GRIP1: variants seen among roughly 807,000 people sequenced by gnomAD.
The protein encoded by GRIP1 is glutamate receptor interacting protein 1.
GRIP1 carries 45 observed loss-of-function variants against 129.9 expected under a neutral mutation model. The observed-to-expected ratio is 0.35, with a 90% CI of 0.27 to 0.44. The LOEUF is 0.44. GRIP1 is among the 20% of genes least tolerant of loss of function. The pLI, the probability that GRIP1 is intolerant of heterozygous loss-of-function variation, is 1.00. For synonymous variants in GRIP1, 530 were observed against 520.8 expected (o/e 1.02, Z -0.24); for missense variants, 1,196 against 1,396.8 (o/e 0.86, Z 2.29).
intron 1 of GRIP1, among the ~76,000 whole-genome samples, chr12:66,785,363 T>TATATATATA (rs5798837): frequency 2.4e-4 from 34 of 141,592 alleles, no homozygotes; most frequent in African/African-American, 3.1e-4. Context: ...TATATATATA[T>TATATATATA]TAGTTGGGCA....
At chr12:66,806,278 T>C (rs1390556394), upstream of GRIP1, among the ~76,000 whole-genome samples, 3 of 152,202 alleles carry the variant, frequency 2.0e-5, no homozygotes, top group Admixed American at 2.0e-4. Context: ...GTATTTTTCA[T>C]ACCAGTTCAG....
intron 2 of GRIP1, among the ~76,000 whole-genome samples, chr12:66,581,527 AAGAG>A (rs1189067764): frequency 1.5e-5 from 2 of 136,194 alleles, no homozygotes; most frequent in Non-Finnish European, 3.3e-5. Context: ...TAAAGAAAAA[AAGAG>A]AGAAGAATCA....
intron 14 of GRIP1, among the ~76,000 whole-genome samples, chr12:66,425,493 A>G (rs2057951521): frequency 6.6e-6 from 1 of 152,214 alleles, no homozygotes; most frequent in Non-Finnish European, 1.5e-5. Context: ...AAAGGATTAT[A>G]AATCATGCTG....
chr12:66,757,395 A>G (rs1056633440), intron 1 of GRIP1, among the ~76,000 whole-genome samples: 1 of 152,118 alleles, frequency 6.6e-6, no homozygotes, highest in Non-Finnish European at 1.5e-5. Flanking sequence ...TATCCATGTT[A>G]TTGCAAATAA....
At chr12:66,472,703 C>T (rs1592384115) in intron 7 of GRIP1, among the ~76,000 whole-genome samples, 1 of 152,268 alleles carries the variant, frequency 6.6e-6, no homozygotes, top group South Asian at 2.1e-4. Flanking sequence ...GGCGTTGCCT[C>T]ACCCAGGAAG....
intron 2 of GRIP1, among the ~76,000 whole-genome samples, chr12:66,565,389 C>T (rs987217055): frequency 2.0e-5 from 3 of 152,098 alleles, no homozygotes; most frequent in Admixed American, 6.6e-5. Context: ...GAATCCTTTC[C>T]CCATTTCTTG....
chr12:66,869,267 G>C (rs1416320219), intron 1 of GRIP1, among the ~76,000 whole-genome samples: 1 of 151,978 alleles, frequency 6.6e-6, no homozygotes, highest in Non-Finnish European at 1.5e-5. Flanking sequence ...CTGCTGGGTA[G>C]AAAGGCAACT....
At chr12:66,523,302 G>A (rs2061092018) in intron 5 of GRIP1, among the ~76,000 whole-genome samples, 1 of 149,646 alleles carries the variant, frequency 6.7e-6, no homozygotes, top group Non-Finnish European at 1.5e-5. Context: ...ACCCACAAAG[G>A]GAAGCCCATC....
At chr12:66,469,996 A>C (rs1439952483) in intron 7 of GRIP1, among the ~76,000 whole-genome samples, 1 of 152,036 alleles carries the variant, frequency 6.6e-6, no homozygotes, top group Non-Finnish European at 1.5e-5. Context: ...CTTCTCCCAG[A>C]TCCTTATAAA....
intron 7 of GRIP1, among the ~76,000 whole-genome samples, chr12:66,481,648 C>T (rs751899614): frequency 2.6e-5 from 4 of 152,118 alleles, no homozygotes; most frequent in Non-Finnish European, 2.9e-5. Flanking sequence ...CATATGTACA[C>T]GTATGTTTCT....
At chr12:66,971,679 G>T (rs1275343196) in intron 1 of GRIP1, among the ~76,000 whole-genome samples, 2 of 152,148 alleles carry the variant, frequency 1.3e-5, no homozygotes, top group African/African-American at 2.4e-5. Context: ...TCATCAAAGG[G>T]ATAAGACAAA....
intron 1 of GRIP1, among the ~76,000 whole-genome samples, chr12:66,653,194 A>G (rs1202927124): frequency 1.3e-5 from 2 of 152,174 alleles, no homozygotes; most frequent in Non-Finnish European, 2.9e-5. Context: ...CTGAATTTCT[A>G]AACTTAAAAT....
chr12:67,063,812 G>T (rs1354270018), intron 1 of GRIP1, among the ~76,000 whole-genome samples: 1 of 152,198 alleles, frequency 6.6e-6, no homozygotes, highest in Non-Finnish European at 1.5e-5. Context: ...TGCTGCAGAA[G>T]AAAGTATTAA....
chr12:66,499,796 G>T (rs1265730380), intron 7 of GRIP1, among the ~76,000 whole-genome samples: 1 of 152,118 alleles, frequency 6.6e-6, no homozygotes, highest in African/African-American at 2.4e-5. Context: ...TTGAGCCCAG[G>T]AGTTCAAGAT....
At chr12:66,726,686 C>T (rs2036264538) in intron 1 of GRIP1, among the ~76,000 whole-genome samples, 1 of 152,174 alleles carries the variant, frequency 6.6e-6, no homozygotes, top group Non-Finnish European at 1.5e-5. Context: ...ACAGAGGCCC[C>T]AAAGTATATT....
chr12:66,912,291 A>G (rs1409286682), intron 1 of GRIP1, among the ~76,000 whole-genome samples: 2 of 152,144 alleles, frequency 1.3e-5, no homozygotes, highest in Non-Finnish European at 2.9e-5. Flanking sequence ...ATCCATTCAA[A>G]TGGTTTCAAG....
rs115949155 is a variant in GRIP1, at chr12:66,351,519, A to G, written c.3159+1898T>C. Reference sequence around the variant, plus strand: ...TATCCCTGCTCTCAAAAAGTTTACAATCTGCTGGGGAGTATATGCAGGGAA... The same window carrying G: ...TATCCCTGCTCTCAAAAAGTTTACAGTCTGCTGGGGAGTATATGCAGGGAA... On this transcript the variant is annotated intron_variant, in intron 24 of 24. Transcript: ENST00000359742. 5.8e-3 allele frequency among the ~76,000 whole-genome samples: 867 copies of G among 150,510 alleles called. 3 individuals are homozygous for G. Among genetic ancestry groups the G allele is most frequent in the African/African-American group, 0.019 (791 of 40,646 alleles).
chr12:66,418,843 T>C (rs973057938), intron 15 of GRIP1, among the ~76,000 whole-genome samples: 52 of 152,154 alleles, frequency 3.4e-4, no homozygotes, highest in African/African-American at 1.3e-3. Flanking sequence ...ACACTGTTGA[T>C]GGGAATGTAA....
At chr12:66,449,976 C>G (rs1332088488) in intron 11 of GRIP1, among the ~76,000 whole-genome samples, 1 of 151,918 alleles carries the variant, frequency 6.6e-6, no homozygotes, top group African/African-American at 2.4e-5. Context: ...GTTTCAGAAA[C>G]TTTAAGGCAG....
Sources: allele counts gnomAD v4.1 joint callset (sites outside exome capture counted in the v4.1 genomes callset), GRCh38; gene constraint gnomAD v4.1.1; transcripts MANE v1.5; gene names NCBI Gene and HGNC (gene_info 2026-07-23, HGNC 2026-07-21).